C6: variants seen among roughly 807,000 people sequenced by gnomAD.
C6 encodes complement C6, also known as complement component C6.
Under a neutral mutation model 112.9 loss-of-function variants are expected in C6, and 101 were observed. The ratio of observed to expected loss-of-function variants is 0.89; its 90% CI spans 0.76 to 1.06. C6 has a LOEUF of 1.06. Ranked by LOEUF, C6 falls within the 50% of genes least tolerant of loss-of-function variation. The pLI, the probability that C6 is intolerant of heterozygous loss-of-function variation, is 0.00. For missense variants in C6, 1,202 were observed against 1,104.6 expected (o/e 1.09, Z -1.25); for synonymous variants, 431 against 384.1 (o/e 1.12, Z -1.43).
At chr5:41,175,603 C>T (rs777157104) in intron 8 of C6, among the ~76,000 whole-genome samples, 11 of 152,150 alleles carry the variant, frequency 7.2e-5, no homozygotes, top group Non-Finnish European at 1.0e-4. Context: ...TCTCAACTGA[C>T]CTGATCCCTA....
At chr5:41,149,902 AT>A in intron 16 of C6, 32 bp downstream of exon 16, 3 of 1,481,734 alleles carry the variant, frequency 2.0e-6, no homozygotes, top group Non-Finnish European at 2.8e-6. Context: ...GGTTTTCCCA[AT>A]TTCCAGACAC....
Position 41,228,502 on chromosome 5 carries a change from A to G in C6, c.-20-25252T>C, listed in dbSNP as rs115366108. On this transcript the variant is annotated intron_variant, in intron 1 of 17. Transcript: ENST00000263413. The stretch of plus-strand genomic sequence containing the variant: ...GACTTCCAGTACTACACTGAATAGA[A>G]GAAGAAAGTGGGCATTTCTGTCTTA... Among the ~76,000 whole-genome samples the G allele has an allele frequency of 3.6e-3, 548 of 152,274 alleles. 4 individuals are homozygous for G. The highest frequency in any genetic ancestry group is 4.9e-3 in the Non-Finnish European group (331 of 68,006).
intron 1 of C6, among the ~76,000 whole-genome samples, chr5:41,240,750 C>T (rs1205233702): frequency 6.6e-6 from 1 of 152,098 alleles, no homozygotes; most frequent in Middle Eastern, 3.2e-3. Flanking sequence ...TGGTGGTGCA[C>T]ACATGTGCCC....
At chr5:41,176,068 C>T (rs1162856326) in intron 8 of C6, among the ~76,000 whole-genome samples, 2 of 152,082 alleles carry the variant, frequency 1.3e-5, no homozygotes, top group African/African-American at 4.8e-5. Flanking sequence ...TAAGGTATTG[C>T]TTTATGAAAT....
At chr5:41,195,767 A>G (rs1750562719) in intron 5 of C6, 25 bp downstream of exon 5, 10 of 1,611,352 alleles carry the variant, frequency 6.2e-6, no homozygotes, top group Non-Finnish European at 8.5e-6. Context: ...TGTTCTCCCC[A>G]AGATGATAAA....
intron 17 of C6, among the ~76,000 whole-genome samples, chr5:41,143,840 T>A (rs1247918519): frequency 6.6e-6 from 1 of 152,220 alleles, no homozygotes; most frequent in Admixed American, 6.5e-5. Context: ...TGAGGCCTGC[T>A]TTTGGAATCA....
intron 2 of C6, among the ~76,000 whole-genome samples, chr5:41,202,107 A>G (rs1033553556): frequency 6.6e-6 from 1 of 152,170 alleles, no homozygotes; most frequent in African/African-American, 2.4e-5. Flanking sequence ...AGATCCTGCA[A>G]ACTGCTTGGA....
In C6 at chr5:41,194,554, G is replaced by T. The variant is rs111276518; in HGVS notation, c.587+1238C>A. Among the ~76,000 whole-genome samples, 735 of 152,174 alleles carry T rather than the reference G, an allele frequency of 4.8e-3. 5 individuals are homozygous for T. Among genetic ancestry groups the T allele is most frequent in the African/African-American group, 0.017 (712 of 41,502 alleles). On this transcript the variant is annotated intron_variant, in intron 5 of 17. Coordinates refer to ENST00000337836, the MANE Select transcript of C6 (RefSeq NM_000065.5). ...TGTGGCTGTTTGTCTTTGGTGCCTC[G>T]AGTTTTCATATTATGCAACTCTGGC... is the stretch of plus-strand genomic sequence containing the variant.
intron 1 of C6, among the ~76,000 whole-genome samples, chr5:41,242,710 T>C (rs543020794): frequency 1.5e-4 from 23 of 152,278 alleles, no homozygotes; most frequent in Non-Finnish European, 2.9e-4. Flanking sequence ...TGCAATAACC[T>C]TAGAAATCCC....
rs372252687 is a variant in C6, at chr5:41,154,940, T to C, written c.2101+32A>G. ...TATTGGGCACATTCATTCTGTAAAGTAGTCAAGCAAAATTGTTTGCCCAGT... is the reference window on the plus strand; with the variant it reads ...TATTGGGCACATTCATTCTGTAAAGCAGTCAAGCAAAATTGTTTGCCCAGT... On this transcript the variant is annotated intron_variant, in intron 14 of 17. Transcript: ENST00000337836. 6.8e-6 allele frequency: 11 copies of C among 1,610,290 alleles called. No individual in the cohort carries two copies. In the African/African-American group the frequency reaches 1.2e-4, roughly 18 times the overall value.
chr5:41,235,321 G>T (rs1396444963), intron 1 of C6, among the ~76,000 whole-genome samples: 3 of 143,748 alleles, frequency 2.1e-5, no homozygotes, highest in African/African-American at 7.9e-5. Context: ...GTGAGAATAT[G>T]CGGTGTTTGG....
At chr5:41,207,320 T>G (rs1751515659) in intron 1 of C6, among the ~76,000 whole-genome samples, 1 of 152,196 alleles carries the variant, frequency 6.6e-6, no homozygotes, top group Non-Finnish European at 1.5e-5. Flanking sequence ...CTGCATTAAC[T>G]AATGGGAAAA....
chr5:41,201,765 C>A (rs754309238), intron 2 of C6, 51 bp from the exon 3 acceptor site: 1 of 1,450,048 alleles, frequency 6.9e-7, no homozygotes, highest in East Asian at 2.3e-5. Flanking sequence ...CACCATATAT[C>A]CTGCTCCATA....
At chr5:41,182,190 G>A (rs1350711100) in intron 6 of C6, among the ~76,000 whole-genome samples, 2 of 151,642 alleles carry the variant, frequency 1.3e-5, no homozygotes, top group Non-Finnish European at 2.9e-5. Context: ...TACTCTTTTT[G>A]GCCAATAAAA....
intron 17 of C6, among the ~76,000 whole-genome samples, chr5:41,148,788 A>G (rs752561644): frequency 7.2e-4 from 110 of 152,344 alleles, no homozygotes; most frequent in Non-Finnish European, 1.2e-3. Context: ...GGCTAGACTA[A>G]GGCACTGAAA....
chr5:41,175,946 G>C (rs1015149681), intron 8 of C6, among the ~76,000 whole-genome samples: 4 of 152,118 alleles, frequency 2.6e-5, no homozygotes, highest in African/African-American at 9.7e-5. Flanking sequence ...GTGCTCATCT[G>C]GCCCACTCTA....
intron 9 of C6, among the ~76,000 whole-genome samples, chr5:41,162,552 T>A (rs1747617700): frequency 6.6e-6 from 1 of 152,184 alleles, no homozygotes; most frequent in African/African-American, 2.4e-5. Context: ...GCCATAACAA[T>A]TTCCACTAAC....
rs563867936 is a variant in C6, at chr5:41,149,341, G to A, written c.2523C>T (p.Arg841=). The A allele has an allele frequency of 1.1e-5, 18 of 1,614,018 alleles. No individual in the cohort carries two copies. The African/African-American group carries it at 1.5e-4, about 13-fold the overall frequency. ...TCCTTTCAAGACCCCATTCTAACTG[G>A]CGGCCGTCTTGGCAGGAACCAATAT... ...FLHIGSCQDG[R]QLEWGLERTR... is the part of the protein sequence containing the mutation. Residue 841 remains arginine, a synonymous_variant, in exon 17 of 18, where the codon CGC becomes CGT. Coordinates refer to ENST00000337836, the MANE Select transcript of C6 (RefSeq NM_000065.5).
Position 41,150,003 on chromosome 5 carries a change from G to T in C6, c.2313C>A (p.Gly771=). 1 of 1,612,116 alleles carries T rather than the reference G, an allele frequency of 6.2e-7. No homozygotes were observed. The highest frequency in any genetic ancestry group is 8.5e-7 in the Non-Finnish European group (1 of 1,178,380). Residue 771 remains glycine, a synonymous_variant, in exon 16 of 18, where the codon GGC becomes GGA. Transcript: ENST00000337836. ...ATTGTTTCTGTCCCAGCTGACAATG[G>T]CCTTTTAATTTTGTTAGAGTATCTG... ...CEKDTLTKLK[G]HCQLGQKQSG...
Sources: allele counts gnomAD v4.1 joint callset (sites outside exome capture counted in the v4.1 genomes callset), GRCh38; gene constraint gnomAD v4.1.1; transcripts MANE v1.5; gene names NCBI Gene and HGNC (gene_info 2026-07-23, HGNC 2026-07-21).